ATP13A4: variants seen among roughly 807,000 people sequenced by gnomAD.
ATP13A4 encodes the protein probable cation-transporting ATPase 13A4.
In ATP13A4, 114 loss-of-function variants were observed where a neutral mutation model predicts 142.5. The observed-to-expected ratio is 0.80, with a 90% CI of 0.69 to 0.93. ATP13A4 has a LOEUF of 0.93. ATP13A4 is among the 40% of genes least tolerant of loss of function. The pLI is 0.00. For missense variants in ATP13A4, 1,392 were observed against 1,454.0 expected (o/e 0.96, Z 0.69); for synonymous variants, 488 against 514.8 (o/e 0.95, Z 0.70).
At chr3:193,573,289 A>ATATT (rs1491375782) in intron 2 of ATP13A4, among the ~76,000 whole-genome samples, 20,742 of 80,288 alleles carry the variant, frequency 0.26, 2,716 homozygotes, top group South Asian at 0.3. Context: ...ATATATATAT[A>ATATT]CACATATATA....
chr3:193,428,102 C>T (rs1001011568), intron 25 of ATP13A4, among the ~76,000 whole-genome samples: 8 of 151,984 alleles, frequency 5.3e-5, no homozygotes, highest in Non-Finnish European at 1.2e-4. Context: ...AAGAAAAAAA[C>T]AAACAACCCC....
chr3:193,446,825 C>T (rs1314342267), intron 18 of ATP13A4, among the ~76,000 whole-genome samples: 1 of 152,132 alleles, frequency 6.6e-6, no homozygotes. Context: ...GAGTAAGTTA[C>T]TTACAGTGGA....
intron 3 of ATP13A4, among the ~76,000 whole-genome samples, chr3:193,494,592 A>T (rs1720123548): frequency 6.6e-6 from 1 of 152,036 alleles, no homozygotes; most frequent in South Asian, 2.1e-4. Flanking sequence ...AAATGAAAAC[A>T]CAGCTTACCA....
At chr3:193,538,848 C>A (rs1722724594) in intron 1 of ATP13A4, among the ~76,000 whole-genome samples, 1 of 150,994 alleles carries the variant, frequency 6.6e-6, no homozygotes, top group African/African-American at 2.4e-5. Context: ...AAGCAATATG[C>A]AGACAAATGG....
rs75473476 is a variant in ATP13A4 at position 193,486,962 on chromosome 3, T to C, written c.738+2768A>G. 2.4e-3 allele frequency among the ~76,000 whole-genome samples: 373 copies of C among 152,348 alleles called. 11 individuals carry two copies. In the East Asian group the frequency reaches 0.048, roughly 20 times the overall value. On this transcript the variant is annotated intron_variant, in intron 7 of 29. Transcript: ENST00000342695. ...TTGCCTAAAAACTTTTTTGGAAGAT[T>C]ACACAAGAAACTAATGTAAGCAGTC... is the stretch of plus-strand genomic sequence containing the variant.
At chr3:193,452,267 C>A (rs1022449695) in intron 17 of ATP13A4, among the ~76,000 whole-genome samples, 1 of 152,192 alleles carries the variant, frequency 6.6e-6, no homozygotes, top group African/African-American at 2.4e-5. Context: ...TCCCTGGACG[C>A]AAGTTGCCTC....
chr3:193,475,281 G>C (rs986271120), intron 8 of ATP13A4, among the ~76,000 whole-genome samples: 1 of 151,904 alleles, frequency 6.6e-6, no homozygotes, highest in African/African-American at 2.4e-5. Flanking sequence ...ATAAACAATG[G>C]CTCCTCCACA....
chr3:193,481,900 A>G (rs571156453), intron 8 of ATP13A4, among the ~76,000 whole-genome samples: 8 of 152,214 alleles, frequency 5.3e-5, no homozygotes, highest in Non-Finnish European at 1.0e-4. Context: ...ATTTCTATAA[A>G]TTATTGTAAT....
At chr3:193,448,142 G>C in intron 18 of ATP13A4, 64 bp downstream of exon 18, 1 of 1,599,310 alleles carries the variant, frequency 6.3e-7, no homozygotes, top group Non-Finnish European at 8.6e-7. Flanking sequence ...TTTATTAAAT[G>C]AGTGAACCAT....
chr3:193,483,800 T>A, intron 8 of ATP13A4, 136 bp downstream of exon 8: 1 of 827,850 alleles, frequency 1.2e-6, no homozygotes, highest in Non-Finnish European at 2.0e-6. Flanking sequence ...AAACTTAAGT[T>A]CCTCATCCCT....
intron 26 of ATP13A4, among the ~76,000 whole-genome samples, chr3:193,412,710 C>A (rs1040515072): frequency 6.6e-6 from 1 of 152,048 alleles, no homozygotes; most frequent in African/African-American, 2.4e-5. Flanking sequence ...ATTGGTAAAT[C>A]ATGATTCCTC....
chr3:193,483,840 T>C (rs1577011157), intron 8 of ATP13A4, 96 bp downstream of exon 8: 1 of 1,068,186 alleles, frequency 9.4e-7, no homozygotes, highest in South Asian at 1.3e-5. Context: ...GAAATGAATA[T>C]GAAGATGGGA....
At chr3:193,491,145 T>C (rs569443059) in intron 6 of ATP13A4, among the ~76,000 whole-genome samples, 184 bp downstream of exon 6, 4 of 152,334 alleles carry the variant, frequency 2.6e-5, no homozygotes, top group African/African-American at 7.2e-5. Flanking sequence ...CATAAGGCAA[T>C]GTGCAAAAGA....
intron 1 of ATP13A4, among the ~76,000 whole-genome samples, chr3:193,582,455 A>T (rs544581315): frequency 6.8e-6 from 1 of 146,874 alleles, no homozygotes; most frequent in Non-Finnish European, 1.5e-5. Flanking sequence ...CCATATGTAT[A>T]CTTTAATATA....
At chr3:193,520,312 C>T (rs1247996445) in intron 1 of ATP13A4, among the ~76,000 whole-genome samples, 2 of 152,114 alleles carry the variant, frequency 1.3e-5, no homozygotes, top group Non-Finnish European at 2.9e-5. Flanking sequence ...AAAATCAGTC[C>T]ACTGAGGGGA....
chr3:193,545,993 G>A (rs1723202108), intron 1 of ATP13A4, among the ~76,000 whole-genome samples: 1 of 144,896 alleles, frequency 6.9e-6, no homozygotes, highest in African/African-American at 2.6e-5. Flanking sequence ...GTGTGTGTGT[G>A]TGTGTGTGTG....
intron 1 of ATP13A4, among the ~76,000 whole-genome samples, chr3:193,586,100 C>T (rs868773533): frequency 7.9e-6 from 1 of 127,076 alleles, no homozygotes; most frequent in African/African-American, 2.7e-5. Flanking sequence ...TACACACACA[C>T]ACACACACAC....
chr3:193,441,958 AC>A (rs1445179801), intron 19 of ATP13A4, among the ~76,000 whole-genome samples: 1 of 152,250 alleles, frequency 6.6e-6, no homozygotes, highest in Admixed American at 6.5e-5. Flanking sequence ...CTACAAGGAC[AC>A]AACAGAGATA....
At chr3:193,439,495 G>A (rs1410680730) in intron 21 of ATP13A4, among the ~76,000 whole-genome samples, 1 of 152,130 alleles carries the variant, frequency 6.6e-6, no homozygotes, top group East Asian at 1.9e-4. Flanking sequence ...TAAATGAGGT[G>A]CTGTATGGGA....
Sources: allele counts gnomAD v4.1 joint callset (sites outside exome capture counted in the v4.1 genomes callset), GRCh38; gene constraint gnomAD v4.1.1; transcripts MANE v1.5; gene names NCBI Gene and HGNC (gene_info 2026-07-23, HGNC 2026-07-21).